The following BCAS3 variants were observed in gnomAD, a reference collection of about 807,000 sequenced individuals.
The protein encoded by BCAS3 is BCAS4/BCAS3 fusion.
BCAS3 carries 53 observed loss-of-function variants against 116.1 expected under a neutral mutation model. The observed-to-expected ratio is 0.46, with a 90% CI of 0.37 to 0.57. The LOEUF is 0.57. BCAS3 is among the 20% of genes least tolerant of loss of function. BCAS3 has a pLI of 0.00. For missense variants in BCAS3, 917 were observed against 1,165.4 expected (o/e 0.79, Z 3.10); for synonymous variants, 391 against 408.2 (o/e 0.96, Z 0.51).
intron 3 of BCAS3, among the ~76,000 whole-genome samples, chr17:60,687,230 G>C (rs930074099): frequency 6.6e-6 from 1 of 152,256 alleles, no homozygotes; most frequent in South Asian, 2.1e-4. Context: ...GGGCTAAATC[G>C]GTTGCTCTTG....
At position 60,696,072 on chromosome 17, in the gene BCAS3, C is replaced by A. The variant is rs914510715; in HGVS notation, c.214+6311C>A. 3.3e-5 allele frequency among the ~76,000 whole-genome samples: 5 copies of A among 152,260 alleles called. No homozygotes were observed. The South Asian group carries it at 6.2e-4, about 19-fold the overall frequency. On this transcript the variant is annotated intron_variant, in intron 4 of 23. Transcript: ENST00000407086. Reference sequence around the variant, plus strand: ...GGTTACTCAAAGCTCTTTATTCATACCTTTATGATTATATGATACAATCAA... The same window carrying A: ...GGTTACTCAAAGCTCTTTATTCATAACTTTATGATTATATGATACAATCAA...
At chr17:60,827,902 G>C (rs1426021885) in intron 7 of BCAS3, among the ~76,000 whole-genome samples, 1 of 152,094 alleles carries the variant, frequency 6.6e-6, no homozygotes, top group East Asian at 1.9e-4. Flanking sequence ...AAGGTATTGA[G>C]TTCAAAGTTG....
In BCAS3 at chr17:61,374,267, T is replaced by G. The variant is rs149320457; in HGVS notation, c.2593+5773T>G. ...CTCACTGCAACCTCTGCCTCCAGGG[T>G]TCAAGCAATTCTCATGCCTCAGCCT... On this transcript the variant is annotated intron_variant, in intron 23 of 23. Coordinates refer to ENST00000407086, the MANE Select transcript of BCAS3 (RefSeq NM_017679.5). Among the ~76,000 whole-genome samples, 914 of 149,284 alleles carry G rather than the reference T, an allele frequency of 6.1e-3. 15 individuals carry two copies. The highest frequency in any genetic ancestry group is 0.022 in the African/African-American group (881 of 40,384).
At chr17:60,692,930 C>T (rs965360722) in intron 4 of BCAS3, among the ~76,000 whole-genome samples, 2 of 148,936 alleles carry the variant, frequency 1.3e-5, no homozygotes, top group Non-Finnish European at 3.0e-5. Context: ...TCCATGTCAC[C>T]AAACTGAAAC....
intron 9 of BCAS3, among the ~76,000 whole-genome samples, chr17:60,879,412 G>A (rs993269672): frequency 6.6e-6 from 1 of 152,196 alleles, no homozygotes. Flanking sequence ...TGTGCCAAAG[G>A]GTGGAAGGAA....
At chr17:61,212,620 C>T (rs936459530) in intron 22 of BCAS3, among the ~76,000 whole-genome samples, 1 of 151,504 alleles carries the variant, frequency 6.6e-6, no homozygotes, top group Non-Finnish European at 1.5e-5. Flanking sequence ...AAGATATATA[C>T]ATATAAACAT....
intron 10 of BCAS3, among the ~76,000 whole-genome samples, chr17:60,892,686 C>T (rs1384374489): frequency 1.3e-5 from 2 of 151,934 alleles, no homozygotes; most frequent in East Asian, 2.0e-4. Flanking sequence ...TTTGAGAGGC[C>T]GAGGTGGGTG....
chr17:61,373,559 T>G (rs1192803396), intron 23 of BCAS3, among the ~76,000 whole-genome samples: 2 of 150,682 alleles, frequency 1.3e-5, no homozygotes, highest in East Asian at 3.9e-4. Flanking sequence ...CCTCCTCTCC[T>G]CAGGCCCTTT....
Position 61,388,635 on chromosome 17 carries a change from A to G in BCAS3, c.2594-3342A>G. ...TTCAAAAGGGAAAAAAAAAGGAAAA[A>G]AAAAACAATGCCAACAGCCCAGCGT... On this transcript the variant is annotated intron_variant, in intron 23 of 23. Coordinates refer to ENST00000407086, the MANE Select transcript of BCAS3 (RefSeq NM_017679.5). This position sits in a 1 kb window ranked among gnomAD's most constrained non-coding sequence, Gnocchi z 6.5. The G allele has an allele frequency of 6.5e-7, 1 of 1,537,482 alleles. No homozygotes were observed.
At chr17:60,847,226 A>G (rs1429525840) in intron 7 of BCAS3, among the ~76,000 whole-genome samples, 1 of 152,300 alleles carries the variant, frequency 6.6e-6, no homozygotes, top group Middle Eastern at 3.4e-3. Flanking sequence ...TTGTTTATCC[A>G]TTCATCTGTT....
chr17:61,183,365 T>A (rs1468101679), intron 22 of BCAS3, among the ~76,000 whole-genome samples: 1 of 152,042 alleles, frequency 6.6e-6, no homozygotes, highest in Non-Finnish European at 1.5e-5. Flanking sequence ...AAATTAGAAA[T>A]TTTCCCTTAT....
At chr17:60,788,048 C>T (rs1003072573) in intron 6 of BCAS3, among the ~76,000 whole-genome samples, 1 of 151,834 alleles carries the variant, frequency 6.6e-6, no homozygotes, top group South Asian at 2.1e-4. Context: ...CAGTGCTTTG[C>T]GTATATTATC....
Position 61,215,473 on chromosome 17 carries a change from C to G in BCAS3, c.2425+130909C>G, listed in dbSNP as rs923092487. ...TTTGTAGTAATTCTATGATATATTA[C>G]TTGAAGAACAGAGGCAACATTTAAA... is the stretch of plus-strand genomic sequence containing the variant. On this transcript the variant is annotated intron_variant, in intron 22 of 23. Coordinates refer to ENST00000407086, the MANE Select transcript of BCAS3 (RefSeq NM_017679.5). This position sits in a 1 kb window ranked among gnomAD's most constrained non-coding sequence, Gnocchi z 4.8. Among the ~76,000 whole-genome samples, 2 of 152,162 alleles carry G rather than the reference C, an allele frequency of 1.3e-5. No individual in the cohort carries two copies. Among genetic ancestry groups the G allele is most frequent in the Non-Finnish European group, 2.9e-5 (2 of 68,030 alleles).
rs961419306 is a variant in BCAS3, at chr17:61,098,119, A to T, written c.2425+13555A>T. Reference sequence around the variant, plus strand: ...CAGATCCTTAAAAGCTGTCTCTGTTATCATGGATATAAATGGTGCTGGAGG... The same window carrying T: ...CAGATCCTTAAAAGCTGTCTCTGTTTTCATGGATATAAATGGTGCTGGAGG... On this transcript the variant is annotated intron_variant, in intron 22 of 23. Transcript: ENST00000407086. This position sits in a 1 kb window ranked among gnomAD's most constrained non-coding sequence, Gnocchi z 4.2. 6.6e-6 allele frequency among the ~76,000 whole-genome samples: 1 copy of T among 152,244 alleles called. No individual in the cohort carries two copies. The highest frequency in any genetic ancestry group is 2.4e-5 in the African/African-American group (1 of 41,476).
rs2075615045 is a variant in BCAS3 at position 61,118,600 on chromosome 17, C to T, written c.2425+34036C>T. 6.6e-6 allele frequency among the ~76,000 whole-genome samples: 1 copy of T among 152,162 alleles called. No individual in the cohort carries two copies. ...CCTCTCAAGGGTGGAGTCTGGGCTC[C>T]CTACTTGGCCTTTCCCACTGTGGGT... is the stretch of plus-strand genomic sequence containing the variant. On this transcript the variant is annotated intron_variant, in intron 22 of 23. Transcript: ENST00000407086. This position sits in a 1 kb window ranked among gnomAD's most constrained non-coding sequence, Gnocchi z 5.0.
At chr17:61,385,379 C>T (rs1485130657) in intron 23 of BCAS3, among the ~76,000 whole-genome samples, 1 of 152,236 alleles carries the variant, frequency 6.6e-6, no homozygotes, top group Non-Finnish European at 1.5e-5. Context: ...CATAAGGGCC[C>T]TGGGTGCAGG....
intron 6 of BCAS3, among the ~76,000 whole-genome samples, chr17:60,783,616 A>G (rs1005459776): frequency 2.0e-5 from 3 of 152,226 alleles, no homozygotes; most frequent in African/African-American, 7.2e-5. Context: ...TGCCCTGATG[A>G]AAATAAATTC....
At chr17:61,103,388 A>G (rs528506073) in intron 22 of BCAS3, among the ~76,000 whole-genome samples, 37 of 152,210 alleles carry the variant, frequency 2.4e-4, no homozygotes, top group Admixed American at 1.0e-3. Flanking sequence ...TGACATTTTT[A>G]CTCTAACTCC....
intron 22 of BCAS3, chr17:61,157,607 C>G (rs1179007736): frequency 7.0e-6 from 1 of 142,032 alleles, no homozygotes; most frequent in South Asian, 2.7e-4. Context: ...TCTTCCCCCC[C>G]ACCCGCCCCC....
Sources: gnomAD v4.1 joint callset for allele counts (sites outside exome capture counted in the v4.1 genomes callset) on GRCh38, gnomAD v4.1.1 for gene constraint, Gnocchi (gnomAD v3.1) non-coding constraint, MANE v1.5 for transcripts, NCBI Gene and HGNC (gene_info 2026-07-23, HGNC 2026-07-21) for gene names.